The following HIP1R variants were observed in gnomAD, a reference collection of about 807,000 sequenced individuals.
HIP1R encodes the protein huntingtin-interacting protein 1-related protein.
In HIP1R, 135 loss-of-function variants were observed where a neutral mutation model predicts 144.2. The observed-to-expected ratio is 0.94, with a 90% CI of 0.81 to 1.08. The LOEUF is 1.08. Ranked by LOEUF, HIP1R falls within the 50% of genes least tolerant of loss-of-function variation. HIP1R has a pLI of 0.00. For synonymous variants in HIP1R, 698 were observed against 612.8 expected (o/e 1.14, Z -2.05); for missense variants, 1,462 against 1,432.8 (o/e 1.02, Z -0.33).
At chr12:122,845,155 C>T (rs1268909636) in intron 1 of HIP1R, among the ~76,000 whole-genome samples, 2 of 152,226 alleles carry the variant, frequency 1.3e-5, no homozygotes, top group African/African-American at 2.4e-5. Context: ...CCTGCTGCTG[C>T]GGCCCTCAGA....
At chr12:122,856,375 G>A in intron 15 of HIP1R, 31 bp downstream of exon 15, 1 of 1,611,994 alleles carries the variant, frequency 6.2e-7, no homozygotes. Context: ...ATCCCAGCCG[G>A]TGGCAGGGCC....
rs141544467 is a variant in HIP1R, at chr12:122,854,176, A to G, written c.711A>G (p.Leu237=). 1.5e-3 allele frequency: 2,375 copies of G among 1,613,542 alleles called. 13 individuals carry two copies. Among genetic ancestry groups the G allele is most frequent in the South Asian group, 3.0e-3 (269 of 91,034 alleles). Reference sequence around the variant, plus strand: ...ACACGGTCAAGCTCCTGTTCAAGCTACACTCTTGTGAGTGGCCCAGGGCAA... The same window carrying G: ...ACACGGTCAAGCTCCTGTTCAAGCTGCACTCTTGTGAGTGGCCCAGGGCAA... ...YHYTVKLLFK[L]HSCLPADTLQ... Residue 237 remains leucine (L), a synonymous_variant, in exon 8 of 32, where the codon CTA becomes CTG. Transcript: ENST00000253083.
rs1329434389 is a variant in HIP1R at position 122,862,241 on chromosome 12, C to T, written c.*488C>T. 1 of 158,138 alleles carries T rather than the reference C, an allele frequency of 6.3e-6. No homozygotes were observed. Among genetic ancestry groups the T allele is most frequent in the South Asian group, 1.9e-4 (1 of 5,230 alleles). 9.8% of individuals were successfully genotyped at this position (158,138 alleles called of 1,614,324 possible). A position where few individuals can be genotyped will look rare whatever the true frequency, so the allele number is the denominator to read the frequency against. The stretch of plus-strand genomic sequence containing the variant: ...GCATCCTGTCTGTGGCCTTCTGGGG[C>T]ACCGATTCTACCAGGCCCTCCAGCT... On this transcript the variant is annotated 3_prime_UTR_variant, in exon 32 of 32. Coordinates refer to ENST00000253083, the MANE Select transcript of HIP1R (RefSeq NM_003959.3).
intron 5 of HIP1R, chr12:122,850,270 C>T (rs1364236615): frequency 3.7e-6 from 2 of 543,650 alleles, no homozygotes; most frequent in African/African-American, 3.7e-5. Flanking sequence ...CCACTGCCCT[C>T]TGCCACCTAT....
chr12:122,858,546 GC>G, intron 20 of HIP1R, 111 bp downstream of exon 20: 1 of 887,922 alleles, frequency 1.1e-6, no homozygotes, highest in Non-Finnish European at 1.7e-6. Flanking sequence ...TCTCTGGGAA[GC>G]CAAGCAGATG....
rs1469044583 is a variant in HIP1R, at chr12:122,857,069, G to C, written c.1669G>C (p.Asp557His). The change falls in exon 18 of 32, where the codon GAT becomes CAT. Residue 557 changes from aspartate to histidine, a missense_variant. Coordinates refer to ENST00000253083, the MANE Select transcript of HIP1R (RefSeq NM_003959.3). ...GCTGGACACGCTGAGTGCGGAGAAGGATGCTCTGAGTGGAGCTGTGCGGCA... is the reference window on the plus strand; with the variant it reads ...GCTGGACACGCTGAGTGCGGAGAAGCATGCTCTGAGTGGAGCTGTGCGGCA... The part of the protein sequence containing the change: ...SRLDTLSAEK[D>H]ALSGAVRQRE... The C allele has an allele frequency of 3.9e-6, 6 of 1,551,584 alleles. No individual in the cohort carries two copies. The highest frequency in any genetic ancestry group is 5.2e-6 in the Non-Finnish European group (6 of 1,147,738).
chr12:122,854,305 C>T, intron 8 of HIP1R, 122 bp downstream of exon 8: 2 of 638,134 alleles, frequency 3.1e-6, no homozygotes, highest in Middle Eastern at 2.7e-4. Context: ...AGTAATAAAC[C>T]CACTGCCCAT....
chr12:122,860,741 A>T lies in HIP1R; in HGVS notation c.2723A>T (p.His908Leu). The T allele has an allele frequency of 6.2e-7, 1 of 1,613,082 alleles. No homozygotes were observed. The highest frequency in any genetic ancestry group is 1.1e-5 in the South Asian group (1 of 91,072). ...GKYEELIVCS[H>L]EIAASTAQLV... ...TATGAGGAGCTCATCGTCTGCTCCC[A>T]CGAGATCGCAGCCAGCACGGCCCAG... The change falls in exon 28 of 32, where the codon CAC becomes CTC. Residue 908 changes from histidine to leucine, a missense_variant. His to Leu is a moderately conservative substitution (Grantham distance 99, BLOSUM62 -3). This residue lies in a region of HIP1R where 1,112 missense variants were observed against 1,011.7 expected (regional missense o/e 1.10). Transcript: ENST00000253083.
In HIP1R at chr12:122,859,160, T is replaced by C. The variant is rs1177582462; in HGVS notation, c.2258T>C (p.Val753Ala). ...CTGCGGCACATGCAGGCCAGCCTGG[T>C]GCGGACACCCCTGCAGGGCATCCTT... ...QALRHMQASL[V>A]RTPLQGILQL... Residue 753 changes from valine to alanine, a missense_variant, in exon 22 of 32, where the codon GTG becomes GCG. Val to Ala is a moderately conservative substitution (Grantham distance 64). Coordinates refer to ENST00000253083, the MANE Select transcript of HIP1R (RefSeq NM_003959.3). The C allele has an allele frequency of 6.3e-7, 1 of 1,579,038 alleles. No homozygotes were observed. The highest frequency in any genetic ancestry group is 2.3e-5 in the East Asian group (1 of 42,984).
At chr12:122,847,138 TTGG>T (rs2033231692) in intron 1 of HIP1R, among the ~76,000 whole-genome samples, 1 of 147,848 alleles carries the variant, frequency 6.8e-6, no homozygotes, top group Non-Finnish European at 1.5e-5. Context: ...GTCACAAACA[TTGG>T]TGGTGGGGGA....
Position 122,861,175 on chromosome 12 carries a change from C to A in HIP1R, c.2935C>A (p.Gln979Lys). The part of the protein sequence containing the change: ...SGLSLIKLKK[Q>K]EMETQVRVLE... Reference sequence around the variant, plus strand: ...CCTGTCCCTCATCAAGCTGAAGAAGCAGGAGATGGAGACCCAGGTAGGCGC... The same window carrying A: ...CCTGTCCCTCATCAAGCTGAAGAAGAAGGAGATGGAGACCCAGGTAGGCGC... Residue 979 changes from glutamine (Q) to lysine (K), a missense_variant, in exon 30 of 32, where the codon CAG becomes AAG. Coordinates refer to ENST00000253083, the MANE Select transcript of HIP1R (RefSeq NM_003959.3). The A allele has an allele frequency of 6.2e-7, 1 of 1,607,000 alleles. No homozygotes were observed. Among genetic ancestry groups the A allele is most frequent in the Non-Finnish European group, 8.5e-7 (1 of 1,178,412 alleles).
intron 1 of HIP1R, 95 bp downstream of exon 1, chr12:122,835,738 A>T: frequency 3.2e-6 from 2 of 623,380 alleles, no homozygotes; most frequent in South Asian, 7.0e-5. Context: ...GGGGCCCGGG[A>T]GGCGCCGGCC....
chr12:122,856,308 T>G lies in HIP1R; in HGVS notation c.1365T>G (p.Ser455Arg). 6.2e-7 allele frequency: 1 copy of G among 1,613,808 alleles called. No homozygotes were observed. Reference sequence around the variant, plus strand: ...ACAACAAGCTGAAGGAAAAGCACAGTGAGCTCGTCCATGTGCACGCGGAGC... The same window carrying G: ...ACAACAAGCTGAAGGAAAAGCACAGGGAGCTCGTCCATGTGCACGCGGAGC... ...ARYNKLKEKH[S>R]ELVHVHAELL... The change falls in exon 15 of 32, where the codon AGT (serine) becomes AGG (arginine). Residue 455 changes from serine to arginine, a missense_variant. Coordinates refer to ENST00000253083, the MANE Select transcript of HIP1R (RefSeq NM_003959.3).
upstream of HIP1R, chr12:122,835,451 C>T: frequency 8.7e-7 from 1 of 1,151,716 alleles, no homozygotes; most frequent in South Asian, 3.8e-5. Flanking sequence ...CGGGCCCGGG[C>T]GCGGCGCGGT....
At chr12:122,856,580 G>A (rs372978154) in intron 16 of HIP1R, 32 bp downstream of exon 16, 25 of 1,597,746 alleles carry the variant, frequency 1.6e-5, no homozygotes, top group African/African-American at 1.3e-4. Context: ...GCCCTGCCCC[G>A]GCATCCCCAG....
At position 122,836,228 on chromosome 12, in the gene HIP1R, C is replaced by T. The variant is rs972092984; in HGVS notation, c.93+585C>T. ...GCGGTTTCCCAGGGCTGCACAGTCTCCTATTATTTGCTGGGTGAAAAGCTT... is the reference window on the plus strand; with the variant it reads ...GCGGTTTCCCAGGGCTGCACAGTCTTCTATTATTTGCTGGGTGAAAAGCTT... On this transcript the variant is annotated intron_variant, in intron 1 of 31. Coordinates refer to ENST00000253083, the MANE Select transcript of HIP1R (RefSeq NM_003959.3). The surrounding 1 kb of genome is among the most constrained non-coding windows in gnomAD (Gnocchi z 4.1). Among the ~76,000 whole-genome samples, 6 of 152,204 alleles carry T rather than the reference C, an allele frequency of 3.9e-5. No homozygotes were observed. The highest frequency in any genetic ancestry group is 8.8e-5 in the Non-Finnish European group (6 of 68,046).
rs890584794 is a variant in HIP1R at position 122,857,061 on chromosome 12, C to T, written c.1661C>T (p.Ala554Val). ...ELSSRLDTLSAEKDALSGAVR... is the reference protein window; with the variant it reads ...ELSSRLDTLSVEKDALSGAVR... Reference sequence around the variant, plus strand: ...AGCTCACGGCTGGACACGCTGAGTGCGGAGAAGGATGCTCTGAGTGGAGCT... The same window carrying T: ...AGCTCACGGCTGGACACGCTGAGTGTGGAGAAGGATGCTCTGAGTGGAGCT... Residue 554 changes from alanine (A) to valine (V), a missense_variant, in exon 18 of 32, where the codon GCG becomes GTG. Coordinates refer to ENST00000253083, the MANE Select transcript of HIP1R (RefSeq NM_003959.3). The T allele has an allele frequency of 1.0e-5, 16 of 1,551,158 alleles. No individual in the cohort carries two copies. The highest frequency in any genetic ancestry group is 7.3e-5 in the East Asian group (3 of 41,164).
At chr12:122,858,727 C>T in intron 20 of HIP1R, 111 bp from the exon 21 acceptor site, 3 of 813,168 alleles carry the variant, frequency 3.7e-6, no homozygotes, top group Non-Finnish European at 6.3e-6. Context: ...TCTTGCCGAG[C>T]CCTCCTTTCC....
chr12:122,859,479 C>T lies in HIP1R; in HGVS notation c.2349C>T (p.Val783=), dbSNP rs774954960. The T allele has an allele frequency of 2.7e-5, 43 of 1,613,426 alleles. No individual in the cohort carries two copies. Among genetic ancestry groups the T allele is most frequent in the South Asian group, 3.3e-5 (3 of 91,072 alleles). The change falls in exon 23 of 32, where the codon GTC becomes GTT. Residue 783 remains valine, a synonymous_variant. Coordinates refer to ENST00000253083, the MANE Select transcript of HIP1R (RefSeq NM_003959.3). ...DVRQEELGAV[V]DKEMAATSAA... is the part of the protein sequence containing the mutation. ...GGCAGGAGGAGCTGGGGGCCGTGGT[C>T]GACAAGGAGATGGCGGCCACATCCG...
Sources: allele counts gnomAD v4.1 joint callset (sites outside exome capture counted in the v4.1 genomes callset), GRCh38; gene constraint gnomAD v4.1.1; regional missense constraint gnomAD v4.1.1; non-coding constraint Gnocchi (gnomAD v3.1); transcripts MANE v1.5; gene names NCBI Gene and HGNC (gene_info 2026-07-23, HGNC 2026-07-21).